The following RAP1A variants were observed in gnomAD, a reference collection of about 807,000 sequenced individuals.
The protein encoded by RAP1A is RAP1A, member of RAS oncogene family, also known as ras-related protein Rap-1A.
Under a neutral mutation model 26.4 loss-of-function variants are expected in RAP1A, and 6 were observed. That is an observed-to-expected ratio of 0.23 (90% CI 0.12 to 0.45). The LOEUF (loss-of-function observed/expected upper bound fraction) is 0.45. RAP1A is among the 20% of genes least tolerant of loss of function. RAP1A has a pLI of 0.99. For missense variants in RAP1A, 121 were observed against 217.2 expected (o/e 0.56, Z 2.78); for synonymous variants, 73 against 79.4 (o/e 0.92, Z 0.43).
intron 1 of RAP1A, among the ~76,000 whole-genome samples, chr1:111,689,732 C>T (rs10157578): frequency 0.059 from 8,987 of 152,072 alleles, 612 homozygotes; most frequent in African/African-American, 0.16. Flanking sequence ...TGCAGTGGCG[C>T]GATCTCAGCT....
chr1:111,557,441 T>G (rs1657542332), intron 1 of RAP1A, among the ~76,000 whole-genome samples: 1 of 151,706 alleles, frequency 6.6e-6, no homozygotes, highest in Non-Finnish European at 1.5e-5. Flanking sequence ...TCCCAGCTAC[T>G]CGGGAGGCTG....
intron 1 of RAP1A, among the ~76,000 whole-genome samples, chr1:111,597,580 A>G (rs1658585502): frequency 1.3e-5 from 2 of 152,256 alleles, no homozygotes; most frequent in South Asian, 4.1e-4. Context: ...CCAGGAAAGA[A>G]AAAGCGATAT....
At chr1:111,686,486 A>G (rs1288350340) in intron 1 of RAP1A, 3 of 151,982 alleles carry the variant, frequency 2.0e-5, no homozygotes, top group African/African-American at 7.3e-5. Flanking sequence ...AGCCTGGGCA[A>G]CATAATGAGA....
chr1:111,652,004 C>T lies in RAP1A; in HGVS notation c.-28+32070C>T, dbSNP rs564143012. Among the ~76,000 whole-genome samples the T allele has an allele frequency of 4.0e-5, 6 of 151,684 alleles. No individual in the cohort carries two copies. In the South Asian group the frequency reaches 6.2e-4, roughly 16 times the overall value. On this transcript the variant is annotated intron_variant, in intron 1 of 7. Transcript: ENST00000369709. ...TTTTTATTTTTTTGAGACGGAGTCT[C>T]GCTCTGTCACCCAGGCTAAAGTGTA...
intron 1 of RAP1A, among the ~76,000 whole-genome samples, chr1:111,658,117 C>T (rs1163514281): frequency 6.6e-6 from 1 of 152,174 alleles, no homozygotes; most frequent in African/African-American, 2.4e-5. Flanking sequence ...TACAGTCATA[C>T]ATCACTTAAC....
chr1:111,659,183 C>T (rs1455422883), intron 1 of RAP1A, among the ~76,000 whole-genome samples: 8 of 152,216 alleles, frequency 5.3e-5, no homozygotes, highest in East Asian at 1.9e-4. Flanking sequence ...TGCCTGAAAC[C>T]GCGGATATAG....
chr1:111,625,924 G>T (rs1049621884), intron 1 of RAP1A, among the ~76,000 whole-genome samples: 1 of 152,002 alleles, frequency 6.6e-6, no homozygotes, highest in African/African-American at 2.4e-5. Flanking sequence ...CTACAGGCGT[G>T]TGCCACCACA....
intron 1 of RAP1A, among the ~76,000 whole-genome samples, chr1:111,688,091 C>T (rs1400002243): frequency 8.5e-6 from 1 of 117,702 alleles, no homozygotes. Context: ...AACTTTTTGC[C>T]TCCAGCTTTT....
intron 4 of RAP1A, among the ~76,000 whole-genome samples, chr1:111,702,870 T>C (rs1662065707): frequency 6.6e-6 from 1 of 152,126 alleles, no homozygotes; most frequent in African/African-American, 2.4e-5. Flanking sequence ...ATTAACAAGC[T>C]CTTATAAAGA....
intron 1 of RAP1A, among the ~76,000 whole-genome samples, chr1:111,620,537 C>T (rs930673754): frequency 3.9e-5 from 6 of 152,188 alleles, no homozygotes; most frequent in African/African-American, 1.4e-4. Context: ...TTGCTGTCTC[C>T]GGGCTCACTT....
At chr1:111,555,545 A>G (rs573417827) in intron 1 of RAP1A, among the ~76,000 whole-genome samples, 115 of 152,184 alleles carry the variant, frequency 7.6e-4, no homozygotes, top group African/African-American at 2.7e-3. Context: ...TACAGAATTC[A>G]GCTTAGAGAA....
chr1:111,672,512 T>C (rs181912402), intron 1 of RAP1A, among the ~76,000 whole-genome samples: 1 of 152,222 alleles, frequency 6.6e-6, no homozygotes, highest in East Asian at 1.9e-4. Flanking sequence ...AAGCCTTTAT[T>C]ATTCACAGAT....
At chr1:111,662,910 TTTG>T (rs71099927) in intron 1 of RAP1A, among the ~76,000 whole-genome samples, 7 of 151,832 alleles carry the variant, frequency 4.6e-5, no homozygotes, top group Admixed American at 2.6e-4. Context: ...TCTCTTTGGT[TTTG>T]TTGTTGTTGT....
chr1:111,678,256 G>A (rs1265901227), intron 1 of RAP1A, among the ~76,000 whole-genome samples: 2 of 152,144 alleles, frequency 1.3e-5, no homozygotes, highest in African/African-American at 4.8e-5. Context: ...ACTAATATAT[G>A]GCATAGCTCT....
chr1:111,698,955 T>TA lies in RAP1A; in HGVS notation c.183+1461dup, dbSNP rs397955841. Among the ~76,000 whole-genome samples the TA allele has an allele frequency of 8.0e-4, 122 of 151,720 alleles. No homozygotes were observed. The South Asian group carries it at 0.016, about 20-fold the overall frequency. On this transcript the variant is annotated intron_variant, in intron 4 of 7. Coordinates refer to ENST00000369709, the MANE Select transcript of RAP1A (RefSeq NM_002884.4). ...GAATACTTTCTGCTTTTTTTTTTTT[T>TA]AAATCACATCCACAGTGTACGGGCA...
intron 4 of RAP1A, among the ~76,000 whole-genome samples, chr1:111,700,728 C>T (rs1373699644): frequency 2.6e-5 from 4 of 152,204 alleles, no homozygotes; most frequent in African/African-American, 9.7e-5. Flanking sequence ...TAACCTTTCC[C>T]TGACCTGGGT....
chr1:111,593,521 T>C (rs1315877535), intron 1 of RAP1A, among the ~76,000 whole-genome samples: 1 of 152,136 alleles, frequency 6.6e-6, no homozygotes, highest in Non-Finnish European at 1.5e-5. Flanking sequence ...CAGGCAGCAT[T>C]GATCCTGACC....
intron 1 of RAP1A, among the ~76,000 whole-genome samples, chr1:111,636,795 G>T (rs1051591786): frequency 3.3e-5 from 5 of 152,080 alleles, no homozygotes; most frequent in Admixed American, 3.3e-4. Context: ...GTAAATCTTT[G>T]AATTCATTAA....
chr1:111,697,039 G>A (rs1011151162), intron 3 of RAP1A, among the ~76,000 whole-genome samples: 4 of 152,072 alleles, frequency 2.6e-5, no homozygotes, highest in Non-Finnish European at 5.9e-5. Context: ...AATGTTGTGC[G>A]CATTTTGAGC....
Sources: allele counts gnomAD v4.1 joint callset (sites outside exome capture counted in the v4.1 genomes callset), GRCh38; gene constraint gnomAD v4.1.1; transcripts MANE v1.5; gene names NCBI Gene and HGNC (gene_info 2026-07-23, HGNC 2026-07-21).